The following C6 variants were observed in gnomAD, a reference collection of about 807,000 sequenced individuals.
The protein encoded by C6 is complement component C6.
Under a neutral mutation model 112.9 loss-of-function variants are expected in C6, and 101 were observed. That is an observed-to-expected ratio of 0.89 (90% CI 0.76 to 1.06). The LOEUF is 1.06. Ranked by LOEUF, C6 falls within the 50% of genes least tolerant of loss-of-function variation. C6 has a pLI of 0.00. For synonymous variants in C6, 431 were observed against 384.1 expected (o/e 1.12, Z -1.43); for missense variants, 1,202 against 1,104.6 (o/e 1.09, Z -1.25).
At chr5:41,197,243 A>G (rs1750686670) in intron 4 of C6, among the ~76,000 whole-genome samples, 1 of 152,154 alleles carries the variant, frequency 6.6e-6, no homozygotes, top group African/African-American at 2.4e-5. Context: ...GCATTATGTC[A>G]GGACTATTAT....
At chr5:41,217,516 G>A (rs1460667274), upstream of C6, among the ~76,000 whole-genome samples, 2 of 152,028 alleles carry the variant, frequency 1.3e-5, no homozygotes, top group Admixed American at 6.6e-5. Flanking sequence ...TCATGTGTTT[G>A]GCAATAAGAG....
chr5:41,160,299 T>C lies in C6; in HGVS notation c.1527A>G (p.Lys509=), dbSNP rs891650014. 6.2e-7 allele frequency: 1 copy of C among 1,613,878 alleles called. No homozygotes were observed. Among genetic ancestry groups the C allele is most frequent in the Middle Eastern group, 1.7e-4 (1 of 6,060 alleles). Residue 509 remains lysine, a synonymous_variant, in exon 11 of 18, where the codon AAA becomes AAG. Coordinates refer to ENST00000337836, the MANE Select transcript of C6 (RefSeq NM_000065.5). ...ACTTGGCTGCATACTCTTGCAAAGC[T>C]TTCCTGAGGTTGTTCCGTTTTGTCA... The part of the protein sequence containing the change: ...CAVTKRNNLR[K]ALQEYAAKFD...
intron 1 of C6, among the ~76,000 whole-genome samples, chr5:41,226,020 A>G (rs1441638275): frequency 1.3e-5 from 2 of 152,204 alleles, no homozygotes; most frequent in Non-Finnish European, 2.9e-5. Flanking sequence ...CCTAGGTGAT[A>G]CCATTCAGGA....
chr5:41,166,548 A>C (rs1490700726), intron 9 of C6, among the ~76,000 whole-genome samples: 1 of 152,054 alleles, frequency 6.6e-6, no homozygotes, highest in Non-Finnish European at 1.5e-5. Flanking sequence ...CATGTGTTCA[A>C]TGAGCACATC....
intron 1 of C6, among the ~76,000 whole-genome samples, chr5:41,250,698 A>C (rs1741297214): frequency 6.6e-6 from 1 of 152,200 alleles, no homozygotes; most frequent in Non-Finnish European, 1.5e-5. Flanking sequence ...AGTATAGCCA[A>C]GCTTGAGCCC....
chr5:41,247,624 A>G (rs1479077641), intron 1 of C6, among the ~76,000 whole-genome samples: 2 of 151,348 alleles, frequency 1.3e-5, no homozygotes, highest in Non-Finnish European at 2.9e-5. Context: ...AGGCTGAGGC[A>G]GGAGAATGGC....
At chr5:41,196,397 G>C (rs1750621771) in intron 4 of C6, among the ~76,000 whole-genome samples, 1 of 151,900 alleles carries the variant, frequency 6.6e-6, no homozygotes, top group South Asian at 2.1e-4. Context: ...AAAAAAGCCA[G>C]ACACATGAGT....
chr5:41,153,145 CCT>C (rs1746570058), intron 15 of C6: 2 of 152,226 alleles, frequency 1.3e-5, no homozygotes, highest in Admixed American at 1.3e-4. Flanking sequence ...AGTGTCTTTA[CCT>C]CACAGTGTCG....
At chr5:41,144,933 G>A (rs1745677321) in intron 17 of C6, among the ~76,000 whole-genome samples, 1 of 152,184 alleles carries the variant, frequency 6.6e-6, no homozygotes, top group South Asian at 2.1e-4. Flanking sequence ...TTTTATGGCT[G>A]CATAGCATTC....
chr5:41,218,213 A>T (rs1365327071), upstream of C6, among the ~76,000 whole-genome samples: 1 of 152,156 alleles, frequency 6.6e-6, no homozygotes, highest in Admixed American at 6.6e-5. Flanking sequence ...AAATTATAAG[A>T]AATCCGTCTA....
Position 41,153,897 on chromosome 5 carries a change from CTTTG to C in C6, c.2199_2202del (p.Lys734AlafsTer32). On this transcript the variant is annotated frameshift_variant, in exon 15 of 18. Transcript: ENST00000337836. LOFTEE classifies it high-confidence loss of function. ...CTTGATGGCCCAGCAACAACAAAGC[CTTTG>C]GGGCAAGTTAGCTCAATGGATTCAC... 1.2e-6 allele frequency: 2 copies of C among 1,613,798 alleles called. No individual in the cohort carries two copies. The highest frequency in any genetic ancestry group is 1.7e-6 in the Non-Finnish European group (2 of 1,179,806).
chr5:41,201,929 C>A (rs1751065819), intron 2 of C6, among the ~76,000 whole-genome samples: 1 of 152,046 alleles, frequency 6.6e-6, no homozygotes, highest in Non-Finnish European at 1.5e-5. Flanking sequence ...AATGGGAAAC[C>A]TCTTGCTCAA....
At chr5:41,252,451 G>A (rs1741426279) in intron 1 of C6, among the ~76,000 whole-genome samples, 1 of 152,080 alleles carries the variant, frequency 6.6e-6, no homozygotes, top group Non-Finnish European at 1.5e-5. Context: ...GAGACCATAA[G>A]ACCTACAAGA....
At chr5:41,209,752 G>A (rs1452972496) in intron 1 of C6, among the ~76,000 whole-genome samples, 2 of 152,224 alleles carry the variant, frequency 1.3e-5, no homozygotes, top group East Asian at 3.8e-4. Flanking sequence ...CCATGCTCAT[G>A]TGTAGGAAGA....
chr5:41,221,734 G>T (rs1451940399), intron 1 of C6, among the ~76,000 whole-genome samples: 1 of 152,170 alleles, frequency 6.6e-6, no homozygotes, highest in African/African-American at 2.4e-5. Context: ...ATTCAAAAAA[G>T]TTATTCAAGT....
chr5:41,171,379 A>G (rs1748412282), intron 9 of C6, among the ~76,000 whole-genome samples: 1 of 152,182 alleles, frequency 6.6e-6, no homozygotes, highest in Non-Finnish European at 1.5e-5. Context: ...AAGGCTCCTT[A>G]TAAACACCAT....
intron 1 of C6, among the ~76,000 whole-genome samples, chr5:41,204,088 CGTT>C (rs927200400): frequency 5.9e-5 from 9 of 152,132 alleles, no homozygotes; most frequent in African/African-American, 2.2e-4. Context: ...CCAGTTTAAT[CGTT>C]ATATCCCTAA....
At chr5:41,229,755 G>C (rs958937377) in intron 1 of C6, among the ~76,000 whole-genome samples, 1 of 152,072 alleles carries the variant, frequency 6.6e-6, no homozygotes, top group African/African-American at 2.4e-5. Flanking sequence ...GTATAATGTA[G>C]TTACTGTTAA....
intron 9 of C6, among the ~76,000 whole-genome samples, chr5:41,163,295 G>A (rs1267992608): frequency 1.4e-5 from 2 of 147,760 alleles, no homozygotes; most frequent in African/African-American, 4.9e-5. Flanking sequence ...TGTAATATAT[G>A]TATTTATCAA....
Sources: allele counts gnomAD v4.1 joint callset (sites outside exome capture counted in the v4.1 genomes callset), GRCh38; gene constraint gnomAD v4.1.1; transcripts MANE v1.5; gene names NCBI Gene and HGNC (gene_info 2026-07-23, HGNC 2026-07-21).